The following OCA2 variants were observed in gnomAD, a reference collection of about 807,000 sequenced individuals.
OCA2 encodes the protein P protein.
OCA2 carries 77 observed loss-of-function variants against 100.2 expected under a neutral mutation model. The ratio of observed to expected loss-of-function variants is 0.77; its 90% CI spans 0.64 to 0.93. OCA2 has a LOEUF of 0.93. Among genes scored for constraint, OCA2 ranks in the 40% least tolerant of loss-of-function variants. The probability of loss-of-function intolerance (pLI) is 0.00; values close to 1 mark genes in which losing one functional copy is unlikely to be tolerated. For missense variants in OCA2, 1,062 were observed against 1,089.1 expected, an observed-to-expected ratio of 0.98 and a Z score of 0.35; for synonymous variants, 432 against 439.2, an observed-to-expected ratio of 0.98 and a Z score of 0.21.
intron 2 of OCA2, among the ~76,000 whole-genome samples, chr15:28,061,740 T>C (rs1408577133): frequency 6.6e-6 from 1 of 152,244 alleles, no homozygotes; most frequent in Non-Finnish European, 1.5e-5. Context: ...GTTTATAAGC[T>C]ACTCAGTTTA....
chr15:27,735,050 A>G, the OCA2 span, among the ~76,000 whole-genome samples: 1 of 152,220 alleles, frequency 6.6e-6, no homozygotes, highest in Non-Finnish European at 1.5e-5. Context: ...ACAAAGAATT[A>G]AAATTAACTA....
chr15:28,023,737 T>A (rs2042664448), intron 5 of OCA2, among the ~76,000 whole-genome samples: 1 of 151,784 alleles, frequency 6.6e-6, no homozygotes, highest in African/African-American at 2.4e-5. Context: ...TCACCCAAAA[T>A]AACTCCGCAA....
rs2036746039 is a variant in OCA2 at position 27,875,364 on chromosome 15, A to C, written c.2080-3442T>G. 2.0e-5 allele frequency among the ~76,000 whole-genome samples: 3 copies of C among 152,262 alleles called. No individual in the cohort carries two copies. The South Asian group carries it at 6.2e-4, about 32-fold the overall frequency. The stretch of plus-strand genomic sequence containing the variant: ...TCTGGACTCTCTCTTCTGTTCCCTT[A>C]ATCTATATCTATCTTTTGCCAGGAC... On this transcript the variant is annotated intron_variant, in intron 19 of 23. Coordinates refer to ENST00000354638, the MANE Select transcript of OCA2 (RefSeq NM_000275.3).
the OCA2 span, among the ~76,000 whole-genome samples, chr15:27,730,766 T>C: frequency 2.0e-4 from 24 of 121,318 alleles, 1 homozygote; most frequent in African/African-American, 1.1e-3. Context: ...TATATATATA[T>C]ATATATATAT....
chr15:28,003,188 T>C (rs1371934769), intron 9 of OCA2, among the ~76,000 whole-genome samples: 4 of 152,218 alleles, frequency 2.6e-5, no homozygotes, highest in South Asian at 2.1e-4. Flanking sequence ...ATTCCTATTG[T>C]ATATGGAAAA....
chr15:27,824,602 C>CTCTCTCTCTCTATATATATATATA lies in OCA2; in HGVS notation c.2432+20356_2432+20357insTATATATATATATAGAGAGAGAGA. Among the ~76,000 whole-genome samples, 198 of 47,544 alleles carry CTCTCTCTCTCTATATATATATATA rather than the reference C, an allele frequency of 4.2e-3. 2 individuals are homozygous for CTCTCTCTCTCTATATATATATATA. The highest frequency in any genetic ancestry group is 4.6e-3 in the South Asian group (3 of 650). The allele number at this position is 47,544 out of a possible 152,430, so 31.2% of individuals were successfully genotyped here. A position where few individuals can be genotyped will look rare whatever the true frequency, so the allele number is the denominator to read the frequency against. ...TTTCTCTCTCTCTCTCTCTCTCTCT[C>CTCTCTCTCTCTATATATATATATA]TATATATATATATATATATAATATA... On this transcript the variant is annotated intron_variant, in intron 23 of 23. Transcript: ENST00000354638.
In OCA2 at chr15:27,954,116, TACACACAC is replaced by T. The variant is rs200633980; in HGVS notation, c.1842+1034_1842+1041del. Among the ~76,000 whole-genome samples, 380 of 46,498 alleles carry T rather than the reference TACACACAC, an allele frequency of 8.2e-3. 3 individuals carry two copies. Among genetic ancestry groups the T allele is most frequent in the African/African-American group, 0.013 (361 of 27,454 alleles). 30.5% of individuals were successfully genotyped at this position (46,498 alleles called of 152,430 possible). Reference sequence around the variant, plus strand: ...TATGGCTGAGTAGTATTCCATGGCATACACACACACACACACACACACACACACACACA... The same window carrying T: ...TATGGCTGAGTAGTATTCCATGGCATACACACACACACACACACACACACA... On this transcript the variant is annotated intron_variant, in intron 17 of 23. Transcript: ENST00000354638.
intron 20 of OCA2, 72 bp from the exon 21 acceptor site, chr15:27,871,330 C>T: frequency 8.8e-7 from 1 of 1,139,192 alleles, no homozygotes; most frequent in Non-Finnish European, 1.3e-6. Flanking sequence ...AGCCGCGAGA[C>T]TCAGAGGGGC....
At chr15:27,932,784 C>T (rs531225836) in intron 18 of OCA2, among the ~76,000 whole-genome samples, 10 of 152,222 alleles carry the variant, frequency 6.6e-5, no homozygotes, top group South Asian at 4.1e-4. Flanking sequence ...TTCCAGTGAC[C>T]ATACATGACA....
At chr15:27,945,248 G>T (rs543655842) in intron 18 of OCA2, among the ~76,000 whole-genome samples, 1 of 152,066 alleles carries the variant, frequency 6.6e-6, no homozygotes, top group Non-Finnish European at 1.5e-5. Flanking sequence ...ACTTGTTCCC[G>T]TCCACCTGCT....
At chr15:28,054,981 A>G (rs1337769275) in intron 2 of OCA2, among the ~76,000 whole-genome samples, 6 of 152,184 alleles carry the variant, frequency 3.9e-5, no homozygotes, top group Non-Finnish European at 8.8e-5. Context: ...CCAGAATAGC[A>G]TGGGGGAAAC....
chr15:27,935,371 T>C (rs995186451), intron 18 of OCA2, among the ~76,000 whole-genome samples: 1 of 152,214 alleles, frequency 6.6e-6, no homozygotes, highest in Non-Finnish European at 1.5e-5. Context: ...CTTTCATTTG[T>C]GTCTCCAACA....
At chr15:27,733,986 C>T in the OCA2 span, among the ~76,000 whole-genome samples, 9,094 of 151,314 alleles carry the variant, frequency 0.06, 822 homozygotes, top group African/African-American at 0.2. Context: ...ATGGTGAAAC[C>T]CCGTCTCTAC....
chr15:27,732,516 TAAG>T, the OCA2 span, among the ~76,000 whole-genome samples: 1 of 152,106 alleles, frequency 6.6e-6, no homozygotes, highest in African/African-American at 2.4e-5. Flanking sequence ...AGCTGAAAAC[TAAG>T]AAGAGAGACT....
intron 23 of OCA2, among the ~76,000 whole-genome samples, chr15:27,823,556 T>G (rs995109663): frequency 2.0e-5 from 3 of 152,194 alleles, no homozygotes; most frequent in African/African-American, 7.2e-5. Context: ...CAGGGAAACT[T>G]AATCATAAAG....
chr15:27,967,192 G>C (rs2040599982), intron 14 of OCA2, among the ~76,000 whole-genome samples: 1 of 152,182 alleles, frequency 6.6e-6, no homozygotes, highest in Non-Finnish European at 1.5e-5. Flanking sequence ...GCAGCTCCCT[G>C]AGTCAGGGTC....
chr15:28,016,169 C>T lies in OCA2; in HGVS notation c.825G>A (p.Thr275=), dbSNP rs1438110682. The part of the protein sequence containing the change: ...RRPQQVTHNW[T]VYLNPRRSEH... ...CGCTTCTCCTCGGATTTAAATACACCGTCCAGTTGTGAGTGACCTGTACAA... is the reference window on the plus strand; with the variant it reads ...CGCTTCTCCTCGGATTTAAATACACTGTCCAGTTGTGAGTGACCTGTACAA... The change falls in exon 8 of 24, where the codon ACG becomes ACA. Residue 275 remains threonine, a synonymous_variant. Coordinates refer to ENST00000354638, the MANE Select transcript of OCA2 (RefSeq NM_000275.3). 24 of 1,614,136 alleles carry T rather than the reference C, an allele frequency of 1.5e-5. 1 individual carries two copies. The Middle Eastern group carries it at 4.9e-4, about 33-fold the overall frequency.
the OCA2 span, among the ~76,000 whole-genome samples, chr15:27,720,448 C>G: frequency 6.7e-6 from 1 of 149,230 alleles, no homozygotes; most frequent in African/African-American, 2.5e-5. Context: ...TTTTGAAATT[C>G]ATCTGTTTAT....
intron 9 of OCA2, among the ~76,000 whole-genome samples, chr15:28,008,176 G>A (rs909031321): frequency 6.6e-6 from 1 of 152,196 alleles, no homozygotes; most frequent in African/African-American, 2.4e-5. Flanking sequence ...AAAAAGTAGA[G>A]TAGAGTTTCC....
Sources: gnomAD v4.1 joint callset for allele counts (sites outside exome capture counted in the v4.1 genomes callset) on GRCh38, gnomAD v4.1.1 for gene constraint, MANE v1.5 for transcripts, NCBI Gene and HGNC (gene_info 2026-07-23, HGNC 2026-07-21) for gene names.